The following TTN variants were observed in gnomAD, a reference collection of about 807,000 sequenced individuals.
TTN encodes titin, also known as connectin.
A neutral mutation model predicts 3,223.0 loss-of-function variants in TTN; 1,525 were observed. The ratio of observed to expected loss-of-function variants is 0.47; its 90% CI spans 0.45 to 0.49. TTN has a LOEUF of 0.49. Ranked by LOEUF, TTN falls within the 20% of genes least tolerant of loss-of-function variation. The probability of loss-of-function intolerance (pLI) is 0.00; values close to 1 mark genes in which losing one functional copy is unlikely to be tolerated. For synonymous variants in TTN, 14,094 were observed against 15,161.0 expected (o/e 0.93, Z 5.17); for missense variants, 40,786 against 43,424.0 (o/e 0.94, Z 5.40).
Position 178,705,134 on chromosome 2 carries a change from G to T in TTN, c.29604+40C>A, listed in dbSNP as rs372074698. On this transcript the variant is annotated intron_variant, in intron 103 of 362. Transcript: ENST00000589042. ...AGGGAATATGTGAGATGTTTTAAAT[G>T]TGACTTTTTTAGCATGATGCTATAT... 25 of 1,598,932 alleles carry T rather than the reference G, an allele frequency of 1.6e-5. No individual in the cohort carries two copies. In the African/African-American group the frequency reaches 1.8e-4, roughly 11 times the overall value.
In TTN at chr2:178,584,977, A is replaced by G. The variant is rs1370943867; in HGVS notation, c.64673-9T>C. On this transcript the variant is annotated splice_polypyrimidine_tract_variant and intron_variant, in intron 309 of 362. Coordinates refer to ENST00000589042, the MANE Select transcript of TTN (RefSeq NM_001267550.2). ...AGGGGGGCCGGGGGCATCTACATGA[A>G]CCAAGAGGAAAGAAATGTAAGAACA... 13 of 1,610,318 alleles carry G rather than the reference A, an allele frequency of 8.1e-6. No individual in the cohort carries two copies. Among genetic ancestry groups the G allele is most frequent in the Non-Finnish European group, 8.5e-7 (1 of 1,178,864 alleles).
Position 178,717,390 on chromosome 2 carries a change from G to C in TTN, c.25352-8C>G. 6.3e-7 allele frequency: 1 copy of C among 1,599,300 alleles called. No individual in the cohort carries two copies. Among genetic ancestry groups the C allele is most frequent in the Non-Finnish European group, 8.5e-7 (1 of 1,170,704 alleles). On this transcript the variant is annotated splice_polypyrimidine_tract_variant and splice_region_variant and intron_variant, in intron 87 of 362. Coordinates refer to ENST00000589042, the MANE Select transcript of TTN (RefSeq NM_001267550.2). ...AAGGAGGCACTTCATGCTCTGAAAA[G>C]AATGAAGACCAACATGGTGATTTTT... is the stretch of plus-strand genomic sequence containing the variant.
In TTN at chr2:178,783,820, T is replaced by G. The variant is rs777485089; in HGVS notation, c.2776-35A>C. ...TACAAATTATATTACAAAATGCTCATGAAATTAAGGGAAATCTCATAAACT... is the reference window on the plus strand; with the variant it reads ...TACAAATTATATTACAAAATGCTCAGGAAATTAAGGGAAATCTCATAAACT... On this transcript the variant is annotated intron_variant, in intron 16 of 362. Coordinates refer to ENST00000589042, the MANE Select transcript of TTN (RefSeq NM_001267550.2). 3 of 1,573,446 alleles carry G rather than the reference T, an allele frequency of 1.9e-6. No homozygotes were observed. In the Admixed American group the frequency reaches 5.0e-5, roughly 26 times the overall value.
rs2080839510 is a variant in TTN at position 178,733,090 on chromosome 2, G to A, written c.16086C>T (p.Pro5362=). The stretch of plus-strand genomic sequence containing the variant: ...TAACAACACTATCCACGTTGCGCAA[G>A]GGTTTGGTAAAAAATGGAGCAATGT... The part of the protein sequence containing the change: ...DRDIAPFFTK[P]LRNVDSVVNG... Residue 5362 remains proline (P), a synonymous_variant, in exon 55 of 363, where the codon CCC becomes CCT. Coordinates refer to ENST00000589042, the MANE Select transcript of TTN (RefSeq NM_001267550.2). 1 of 1,601,406 alleles carries A rather than the reference G, an allele frequency of 6.2e-7. No individual in the cohort carries two copies.
chr2:178,733,220 A>G lies in TTN; in HGVS notation c.16054+19T>C. ...GGGTTTCAAATGCATATGTAGCATC[A>G]TTTTCTAAAAATACTAACCTAATAC... On this transcript the variant is annotated intron_variant, in intron 54 of 362. Transcript: ENST00000589042. The G allele has an allele frequency of 6.4e-7, 1 of 1,566,184 alleles. No individual in the cohort carries two copies. Among genetic ancestry groups the G allele is most frequent in the Non-Finnish European group, 8.7e-7 (1 of 1,156,016 alleles).
chr2:178,733,641 T>G lies in TTN; in HGVS notation c.15748A>C (p.Thr5250Pro). The G allele has an allele frequency of 6.2e-7, 1 of 1,612,630 alleles. No homozygotes were observed. The highest frequency in any genetic ancestry group is 8.5e-7 in the Non-Finnish European group (1 of 1,178,788). The stretch of plus-strand genomic sequence containing the variant: ...TTAACTATTAATTCCCCAACAGATG[T>G]TTGGCTTCCAGCTTCATTTTCAGCC... Reference protein sequence around the residue: ...CLAENEAGSQTSVGELIVKEP... With the variant: ...CLAENEAGSQPSVGELIVKEP... Residue 5250 changes from threonine (T) to proline (P), a missense_variant, in exon 53 of 363, where the codon ACA becomes CCA. Physicochemically the swap from Thr to Pro is conservative, Grantham distance 38. Transcript: ENST00000589042.
rs1284758636 is a variant in TTN, at chr2:178,794,335, G to A, written c.1398+64C>T. On this transcript the variant is annotated intron_variant, in intron 8 of 362. Transcript: ENST00000589042. ...CTGCATGCCAAGCTCAGTGGATGGT[G>A]GTTGAGTTAATGTGCACTGAAGGAC... The A allele has an allele frequency of 3.1e-6, 5 of 1,606,026 alleles. No homozygotes were observed. The East Asian group carries it at 8.9e-5, about 29-fold the overall frequency.
rs751411453 is a variant in TTN at position 178,570,024 on chromosome 2, T to A, written c.76108A>T (p.Ile25370Leu). Residue 25370 changes from isoleucine (I) to leucine (L), a missense_variant, in exon 326 of 363, where the codon ATA becomes TTA. Coordinates refer to ENST00000589042, the MANE Select transcript of TTN (RefSeq NM_001267550.2). ...GELRLRVTGL[I>L]ENHDYEFRVS... The stretch of plus-strand genomic sequence containing the variant: ...CTGAACTCATAATCGTGATTTTCTA[T>A]GAGTCCAGTTACTCTCAGGCGCAAC... 1 of 1,613,268 alleles carries A rather than the reference T, an allele frequency of 6.2e-7. No individual in the cohort carries two copies. The highest frequency in any genetic ancestry group is 8.5e-7 in the Non-Finnish European group (1 of 1,179,506).
chr2:178,553,518 T>G lies in TTN; in HGVS notation c.89487A>C (p.Gln29829His), dbSNP rs1700184989. ...GGTACATACCAAGTATATCTTTAGCTTGTACAGGTTCATTCATTTCTATAG... is the reference window on the plus strand; with the variant it reads ...GGTACATACCAAGTATATCTTTAGCGTGTACAGGTTCATTCATTTCTATAG... ...GEPIEMNEPV[Q>H]AKDILEAPEI... Residue 29829 changes from glutamine (Q) to histidine (H), a missense_variant, in exon 334 of 363, where the codon CAA (glutamine) becomes CAC (histidine). Gln to His is a conservative substitution (Grantham distance 24). Coordinates refer to ENST00000589042, the MANE Select transcript of TTN (RefSeq NM_001267550.2). The G allele has an allele frequency of 6.2e-7, 1 of 1,611,664 alleles. No individual in the cohort carries two copies. Among genetic ancestry groups the G allele is most frequent in the African/African-American group, 1.3e-5 (1 of 74,842 alleles).
Position 178,717,755 on chromosome 2 carries a change from T to G in TTN, c.25119A>C (p.Leu8373=). The change falls in exon 87 of 363, where the codon CTA becomes CTC. Residue 8373 remains leucine, a synonymous_variant. Transcript: ENST00000589042. ...ARKLKDVHET[L]GFPVAFECRI... is the part of the protein sequence containing the mutation. The stretch of plus-strand genomic sequence containing the variant: ...GGCATTCAAATGCAACTGGGAAGCC[T>G]AGAGTCTCATGAACGTCTTTCAGTT... 1 of 1,612,610 alleles carries G rather than the reference T, an allele frequency of 6.2e-7. No homozygotes were observed. Among genetic ancestry groups the G allele is most frequent in the South Asian group, 1.1e-5 (1 of 90,882 alleles).
chr2:178,721,009 T>C lies in TTN; in HGVS notation c.23010A>G (p.Glu7670=), dbSNP rs2154301002. The C allele has an allele frequency of 1.2e-6, 2 of 1,613,360 alleles. No homozygotes were observed. Among genetic ancestry groups the C allele is most frequent in the Non-Finnish European group, 1.7e-6 (2 of 1,179,400 alleles). The change falls in exon 79 of 363, where the codon GAA becomes GAG. Residue 7670 remains glutamate (E), a synonymous_variant. Transcript: ENST00000589042. ...AGTCCCCGCTGTCTTCAGCACTAGC[T>C]TCATTGATCGTAAGCAATGCCACAG... The part of the protein sequence containing the change: ...INSVALLTIN[E]ASAEDSGDYI...
At position 178,568,051 on chromosome 2, in the gene TTN, C is replaced by G; in HGVS notation, c.78081G>C (p.Leu26027=). 6.2e-7 allele frequency: 1 copy of G among 1,613,288 alleles called. No individual in the cohort carries two copies. The change falls in exon 326 of 363, where the codon CTG becomes CTC. Residue 26027 remains leucine, a synonymous_variant. Coordinates refer to ENST00000589042, the MANE Select transcript of TTN (RefSeq NM_001267550.2). ...NGGSPVIGYH[L]ERKERNSILW... ...AAATACTGTTTCTTTCTTTTCTCTC[C>G]AGGTGGTAACCTATGACGGGGCTTC...
intron 13 of TTN, 130 bp downstream of exon 13, chr2:178,789,230 G>A: frequency 8.3e-7 from 1 of 1,203,566 alleles, no homozygotes; most frequent in African/African-American, 1.5e-5. Context: ...AAATAAATTT[G>A]GTTAATAGTG....
At chr2:178,679,438 T>C in intron 141 of TTN, 22 bp from the exon 142 acceptor site, 1 of 1,610,950 alleles carries the variant, frequency 6.2e-7, no homozygotes, top group Non-Finnish European at 8.5e-7. Flanking sequence ...TTGTTTATTG[T>C]TAAGTTCTAA....
At position 178,652,451 on chromosome 2, in the gene TTN, C is replaced by A; in HGVS notation, c.39127+7G>T. On this transcript the variant is annotated splice_region_variant and intron_variant, in intron 202 of 362. Transcript: ENST00000589042. ...ATCATCTGAAGCCTAAAATCAGTGA[C>A]AAATACCTTTAACAGGTGTGACTTC... The A allele has an allele frequency of 6.2e-7, 1 of 1,612,678 alleles. No individual in the cohort carries two copies. Among genetic ancestry groups the A allele is most frequent in the Non-Finnish European group, 8.5e-7 (1 of 1,179,362 alleles).
Position 178,689,317 on chromosome 2 carries a change from C to T in TTN, c.31984G>A (p.Glu10662Lys). 6.2e-7 allele frequency: 1 copy of T among 1,613,620 alleles called. No homozygotes were observed. The highest frequency in any genetic ancestry group is 8.5e-7 in the Non-Finnish European group (1 of 1,179,794). The change falls in exon 124 of 363, where the codon GAG (glutamate) becomes AAG (lysine). Residue 10662 changes from glutamate to lysine, a missense_variant. Physicochemically the swap from Glu to Lys is moderately conservative, Grantham distance 56. Transcript: ENST00000589042. ...TTTGGTGGTGGTGGAACTTCTTCCT[C>T]CTTCCGAGGAACAGGTTTCCTTTCT... ...PEERKPVPRK[E>K]EEVPPPPKVP...
chr2:178,667,651 G>T lies in TTN; in HGVS notation c.35616C>A (p.Pro11872=), dbSNP rs1365978712. The change falls in exon 160 of 363, where the codon CCC becomes CCA. Residue 11872 remains proline, a synonymous_variant. Coordinates refer to ENST00000589042, the MANE Select transcript of TTN (RefSeq NM_001267550.2). Reference sequence around the variant, plus strand: ...GGTGTTATATACCTTTTGCTAGTTTGGGTTTTGTCTTTTGAGGTTGAGTCA... The same window carrying T: ...GGTGTTATATACCTTTTGCTAGTTTTGGTTTTGTCTTTTGAGGTTGAGTCA... ...VLVTQPQKTK[P]KLAKVPEPPK... is the part of the protein sequence containing the mutation. 1 of 1,596,594 alleles carries T rather than the reference G, an allele frequency of 6.3e-7. No homozygotes were observed. The highest frequency in any genetic ancestry group is 1.1e-5 in the South Asian group (1 of 90,850).
chr2:178,621,302 A>G lies in TTN; in HGVS notation c.45416T>C (p.Phe15139Ser), dbSNP rs1403204950. ...LEILEGEKAE[F>S]VCSISKESFP... ...GCTTTCTTTTGATATAGAGCAGACA[A>G]ATTCAGCCTTTTCTCCTTCAAGTAT... is the stretch of plus-strand genomic sequence containing the variant. Residue 15139 changes from phenylalanine to serine, a missense_variant, in exon 246 of 363, where the codon TTT becomes TCT. By Grantham distance (155) the Phe-to-Ser change is radical. Coordinates refer to ENST00000589042, the MANE Select transcript of TTN (RefSeq NM_001267550.2). The G allele has an allele frequency of 6.2e-7, 1 of 1,612,096 alleles. No homozygotes were observed. Among genetic ancestry groups the G allele is most frequent in the South Asian group, 1.1e-5 (1 of 90,986 alleles).
Position 178,733,352 on chromosome 2 carries a change from T to C in TTN, c.15941A>G (p.Asn5314Ser). ...TGAATAAAATTTGAGCTGGGCAACA[T>C]TGTTTTTAAAACTTATTCGGTATTT... The part of the protein sequence containing the change: ...SKKYRISFKN[N>S]VAQLKFYSAE... The change falls in exon 54 of 363, where the codon AAT becomes AGT. Residue 5314 changes from asparagine (N) to serine (S), a missense_variant. By Grantham distance (46) the Asn-to-Ser change is conservative. Transcript: ENST00000589042. 3.1e-6 allele frequency: 5 copies of C among 1,613,854 alleles called. No individual in the cohort carries two copies. The highest frequency in any genetic ancestry group is 3.4e-6 in the Non-Finnish European group (4 of 1,179,798).
Sources: allele counts gnomAD v4.1 joint callset, GRCh38; gene constraint gnomAD v4.1.1; transcripts MANE v1.5; gene names NCBI Gene and HGNC (gene_info 2026-07-23, HGNC 2026-07-21).